The following TET3 variants were observed in gnomAD, a reference collection of about 807,000 sequenced individuals.
TET3 encodes tet methylcytosine dioxygenase 3, also known as methylcytosine dioxygenase TET3.
A neutral mutation model predicts 141.4 loss-of-function variants in TET3; 19 were observed. The ratio of observed to expected loss-of-function variants is 0.13; its 90% confidence interval spans 0.09 to 0.20. The LOEUF (loss-of-function observed/expected upper bound fraction) is 0.20, where lower values mean the gene tolerates loss of function less well. Ranked by LOEUF, TET3 falls within the 10% of genes least tolerant of loss-of-function variation. The pLI is 1.00. For synonymous variants in TET3, 1,043 were observed against 980.9 expected (o/e 1.06, Z -1.18); for missense variants, 1,874 against 2,356.9 (o/e 0.80, Z 4.24).
Position 74,047,791 on chromosome 2 carries a change from G to T in TET3, c.1874G>T (p.Arg625Leu). Residue 625 changes from arginine to leucine, a missense_variant, in exon 4 of 12, where the codon CGA becomes CTA. Physicochemically the swap from Arg to Leu is moderately radical, Grantham distance 102. Transcript: ENST00000409262. ...GCACAGCCCCTCTTCCCACCTGTCC[G>T]ACAGATTGTCCTGGAAGGGCTTAGG... is the stretch of plus-strand genomic sequence containing the variant. The part of the protein sequence containing the change: ...REAQPLFPPV[R>L]QIVLEGLRSP... The T allele has an allele frequency of 1.2e-6, 2 of 1,613,626 alleles. No individual in the cohort carries two copies. The highest frequency in any genetic ancestry group is 2.2e-5 in the South Asian group (2 of 91,008).
intron 6 of TET3, among the ~76,000 whole-genome samples, chr2:74,082,043 C>T (rs1689862490): frequency 1.3e-5 from 2 of 152,310 alleles, no homozygotes; most frequent in South Asian, 4.1e-4. Context: ...AGAGTGACAG[C>T]TGCCCCTTTC....
At position 74,102,082 on chromosome 2, in the gene TET3, C is replaced by T. The variant is rs1237051969; in HGVS notation, c.5294C>T (p.Thr1765Ile). 3 of 1,507,924 alleles carry T rather than the reference C, an allele frequency of 2.0e-6. No individual in the cohort carries two copies. The highest frequency in any genetic ancestry group is 2.7e-6 in the Non-Finnish European group (3 of 1,129,728). 93.4% of individuals were successfully genotyped at this position (1,507,924 alleles called of 1,614,324 possible). A position where few individuals can be genotyped will look rare whatever the true frequency, so the allele number is the denominator to read the frequency against. The change falls in exon 12 of 12, where the codon ACC (threonine) becomes ATC (isoleucine). Residue 1765 changes from threonine (T) to isoleucine (I), a missense_variant. Physicochemically the swap from Thr to Ile is moderately conservative, Grantham distance 89. Transcript: ENST00000409262. ...AAAGAGAAGAAGGGGGTCGTCCCCA[C>T]CCGGCAGGCACTGGCTGTGCCCACA... ...QQKEKKGVVP[T>I]RQALAVPTDS...
chr2:74,048,379 C>T lies in TET3; in HGVS notation c.2462C>T (p.Ala821Val). Residue 821 changes from alanine (A) to valine (V), a missense_variant, in exon 4 of 12, where the codon GCC becomes GTC. By Grantham distance (64) the Ala-to-Val change is moderately conservative (BLOSUM62 0). This residue lies in a region of TET3 where 83 missense variants were observed against 107.0 expected (regional missense o/e 0.78). Transcript: ENST00000409262. ...CTGCTGGACACACCTGCCAAGAGAG[C>T]CCAGGCCGAGTTCCCCACCTGCGAT... The part of the protein sequence containing the change: ...KSLLDTPAKR[A>V]QAEFPTCDCV... 1.2e-6 allele frequency: 2 copies of T among 1,611,422 alleles called. No homozygotes were observed. The highest frequency in any genetic ancestry group is 2.2e-5 in the East Asian group (1 of 44,838).
chr2:74,007,683 T>C (rs565893525), intron 3 of TET3, among the ~76,000 whole-genome samples: 6 of 152,348 alleles, frequency 3.9e-5, no homozygotes, highest in Admixed American at 3.9e-4. Flanking sequence ...TCCTGGGTTC[T>C]GTCATTAGCC....
chr2:74,015,555 A>G (rs1163811819), intron 3 of TET3, among the ~76,000 whole-genome samples: 1 of 152,194 alleles, frequency 6.6e-6, no homozygotes, highest in African/African-American at 2.4e-5. Flanking sequence ...TTTCCATGTC[A>G]GTACATCTGT....
At chr2:74,119,304 G>A in the TET3 span, among the ~76,000 whole-genome samples, 1 of 147,726 alleles carries the variant, frequency 6.8e-6, no homozygotes, top group Admixed American at 6.8e-5. Flanking sequence ...AGTGAGCCGA[G>A]ATCGCACCAC....
rs145206329 is a variant in TET3, at chr2:74,025,731, G to A, written c.361-20547G>A. On this transcript the variant is annotated intron_variant, in intron 3 of 11. Coordinates refer to ENST00000409262, the MANE Select transcript of TET3 (RefSeq NM_001287491.2). ...AGAGAAACCCCCCAGATCACATGCT[G>A]TGTCCAGTGGTCAGTTTGTTGTTTG... Among the ~76,000 whole-genome samples the A allele has an allele frequency of 1.8e-4, 28 of 152,298 alleles. No individual in the cohort carries two copies. In the East Asian group the frequency reaches 5.4e-3, roughly 29 times the overall value.
intron 3 of TET3, among the ~76,000 whole-genome samples, chr2:74,032,924 AG>A (rs1282388555): frequency 2.6e-5 from 4 of 151,898 alleles, no homozygotes; most frequent in African/African-American, 9.7e-5. Flanking sequence ...TGGGAGTTTC[AG>A]GCTTGGCACC....
In TET3 at chr2:74,100,600, C is replaced by A. The variant is rs555277084; in HGVS notation, c.3812C>A (p.Ser1271Tyr). ...HSYYAQPSLT[S>Y]VNGFHSKYAL... Reference sequence around the variant, plus strand: ...TACTATGCACAGCCCAGCCTGACCTCCGTCAATGGCTTCCACTCCAAGTAC... The same window carrying A: ...TACTATGCACAGCCCAGCCTGACCTACGTCAATGGCTTCCACTCCAAGTAC... The change falls in exon 12 of 12, where the codon TCC (serine) becomes TAC (tyrosine). Residue 1271 changes from serine to tyrosine, a missense_variant. Physicochemically the swap from Ser to Tyr is moderately radical, Grantham distance 144. Transcript: ENST00000409262. The A allele has an allele frequency of 6.8e-6, 11 of 1,613,954 alleles. No homozygotes were observed. In the African/African-American group the frequency reaches 1.5e-4, roughly 21 times the overall value.
intron 4 of TET3, among the ~76,000 whole-genome samples, chr2:74,055,322 T>G (rs1333118913): frequency 2.0e-5 from 3 of 152,236 alleles, no homozygotes; most frequent in African/African-American, 7.2e-5. Flanking sequence ...AGGTGTCAAA[T>G]GGGTTTAGGA....
intron 10 of TET3, among the ~76,000 whole-genome samples, chr2:74,097,927 C>CG (rs1480793547): frequency 2.6e-5 from 4 of 151,906 alleles, no homozygotes; most frequent in Non-Finnish European, 4.4e-5. Flanking sequence ...GGATCAAGAC[C>CG]CCAAATGCCA....
the TET3 span, among the ~76,000 whole-genome samples, chr2:74,132,104 A>T: frequency 6.6e-6 from 1 of 152,152 alleles, no homozygotes; most frequent in Non-Finnish European, 1.5e-5. Context: ...AGTCAAGAAC[A>T]TCTGCTGCTT....
chr2:73,990,401 T>A (rs1684263861), intron 2 of TET3, among the ~76,000 whole-genome samples: 1 of 152,056 alleles, frequency 6.6e-6, no homozygotes, highest in South Asian at 2.1e-4. Context: ...CCTCACTTGC[T>A]CATAGAAGAA....
upstream of TET3, among the ~76,000 whole-genome samples, chr2:73,984,089 G>T (rs1683876791): frequency 1.3e-5 from 2 of 152,250 alleles, no homozygotes; most frequent in Non-Finnish European, 2.9e-5. This position sits in a 1 kb window ranked among gnomAD's most constrained non-coding sequence, Gnocchi z 5.6. Flanking sequence ...AAGTGTCTGC[G>T]CCGGGTTTTA....
chr2:73,996,456 A>G (rs1684599639), intron 2 of TET3, among the ~76,000 whole-genome samples: 1 of 152,138 alleles, frequency 6.6e-6, no homozygotes, highest in Admixed American at 6.5e-5. Flanking sequence ...GACAAATCCC[A>G]TGGTGGCCTT....
chr2:74,066,611 A>G (rs916717979), intron 4 of TET3, among the ~76,000 whole-genome samples: 5 of 151,956 alleles, frequency 3.3e-5, no homozygotes, highest in African/African-American at 1.2e-4. Context: ...CTTTTAAGAG[A>G]CTCCTTGGGC....
At chr2:74,118,478 C>A in the TET3 span, among the ~76,000 whole-genome samples, 1 of 152,138 alleles carries the variant, frequency 6.6e-6, no homozygotes, top group African/African-American at 2.4e-5. Context: ...TTAATATTTT[C>A]TTTTCTCTGG....
intron 3 of TET3, among the ~76,000 whole-genome samples, chr2:74,017,520 C>T (rs1190174711): frequency 2.6e-5 from 4 of 152,214 alleles, no homozygotes; most frequent in Non-Finnish European, 5.9e-5. Context: ...GCTTATTTCA[C>T]TTAACATATC....
At chr2:73,983,652 T>C (rs1442771831), upstream of TET3, among the ~76,000 whole-genome samples, 1 of 152,214 alleles carries the variant, frequency 6.6e-6, no homozygotes, top group Non-Finnish European at 1.5e-5. Context: ...ATCAGTTACT[T>C]TTTTTTCTTT....
Sources: allele counts gnomAD v4.1 joint callset (sites outside exome capture counted in the v4.1 genomes callset), GRCh38; gene constraint gnomAD v4.1.1; regional missense constraint gnomAD v4.1.1; non-coding constraint Gnocchi (gnomAD v3.1); transcripts MANE v1.5; gene names NCBI Gene and HGNC (gene_info 2026-07-23, HGNC 2026-07-21).